HS3ST5: variants seen among roughly 807,000 people sequenced by gnomAD.
The protein encoded by HS3ST5 is heparan sulfate-glucosamine 3-sulfotransferase 5, also known as heparan sulfate glucosamine 3-O-sulfotransferase 5.
A neutral mutation model predicts 25.4 loss-of-function variants in HS3ST5; 10 were observed. That is an observed-to-expected ratio of 0.39 (90% CI 0.24 to 0.67). The LOEUF (loss-of-function observed/expected upper bound fraction) is 0.67, where lower values mean the gene tolerates loss of function less well. Ranked by LOEUF, HS3ST5 falls within the 30% of genes least tolerant of loss-of-function variation. The pLI, the probability that HS3ST5 is intolerant of heterozygous loss-of-function variation, is 0.44. For missense variants in HS3ST5, 324 were observed against 420.7 expected, an observed-to-expected ratio of 0.77 and a Z score of 2.01; for synonymous variants, 170 against 162.4, an observed-to-expected ratio of 1.05 and a Z score of -0.36.
At chr6:114,153,493 C>T (rs1562217839) in intron 3 of HS3ST5, among the ~76,000 whole-genome samples, 1 of 152,220 alleles carries the variant, frequency 6.6e-6, no homozygotes, top group Non-Finnish European at 1.5e-5. Flanking sequence ...ATATTTGCTT[C>T]ATGCTCATCT....
chr6:114,257,120 C>T (rs914200902), intron 1 of HS3ST5, among the ~76,000 whole-genome samples: 4 of 152,208 alleles, frequency 2.6e-5, no homozygotes, highest in Admixed American at 6.5e-5. Flanking sequence ...TATCTCCCAC[C>T]GGGTCCCTCC....
chr6:114,127,785 T>C (rs1777115992), intron 3 of HS3ST5, among the ~76,000 whole-genome samples: 1 of 151,852 alleles, frequency 6.6e-6, no homozygotes, highest in Non-Finnish European at 1.5e-5. Context: ...TGCTACAACA[T>C]GGATGAATCT....
chr6:114,252,364 T>G (rs1352333962), intron 1 of HS3ST5, among the ~76,000 whole-genome samples: 1 of 152,206 alleles, frequency 6.6e-6, no homozygotes, highest in Non-Finnish European at 1.5e-5. Flanking sequence ...ACTGCCTGAC[T>G]GTGAAATTAT....
chr6:114,336,949 G>A (rs1776635352), intron 1 of HS3ST5, among the ~76,000 whole-genome samples: 1 of 152,190 alleles, frequency 6.6e-6, no homozygotes, highest in African/African-American at 2.4e-5. Flanking sequence ...GCAGTTTAAA[G>A]ATTCTGTTAC....
chr6:114,106,882 G>A (rs943160369), intron 3 of HS3ST5, among the ~76,000 whole-genome samples: 10 of 152,052 alleles, frequency 6.6e-5, no homozygotes, highest in African/African-American at 2.4e-4. Context: ...CTATAAGATT[G>A]TTATGTATTT....
At chr6:114,200,322 A>G (rs899047363) in intron 2 of HS3ST5, among the ~76,000 whole-genome samples, 12 of 152,260 alleles carry the variant, frequency 7.9e-5, no homozygotes, top group African/African-American at 2.9e-4. Flanking sequence ...TATGTGTGAC[A>G]AAAGGTGTTA....
At chr6:114,210,038 A>G (rs1781444623) in intron 2 of HS3ST5, among the ~76,000 whole-genome samples, 1 of 152,218 alleles carries the variant, frequency 6.6e-6, no homozygotes, top group Non-Finnish European at 1.5e-5. Flanking sequence ...GTCAAAGGCC[A>G]AAGTAACAAA....
At chr6:114,277,869 G>A (rs1181158089) in intron 1 of HS3ST5, among the ~76,000 whole-genome samples, 2 of 151,942 alleles carry the variant, frequency 1.3e-5, no homozygotes, top group African/African-American at 4.8e-5. Flanking sequence ...GGTTATAGTT[G>A]TAATTACAAA....
chr6:114,133,182 G>T (rs1045067495), intron 3 of HS3ST5, among the ~76,000 whole-genome samples: 2 of 152,110 alleles, frequency 1.3e-5, no homozygotes, highest in Non-Finnish European at 2.9e-5. Context: ...TGCCCATCAA[G>T]GGATGACAAT....
chr6:114,258,589 C>T (rs1040138607), intron 1 of HS3ST5, among the ~76,000 whole-genome samples: 8 of 152,112 alleles, frequency 5.3e-5, no homozygotes, highest in South Asian at 2.1e-4. Flanking sequence ...CAGCATTTGC[C>T]GGCCACTTGG....
chr6:114,236,824 T>C (rs923076276), intron 1 of HS3ST5, among the ~76,000 whole-genome samples: 1 of 152,200 alleles, frequency 6.6e-6, no homozygotes. Flanking sequence ...ACTGCAATTG[T>C]ATACTCTATT....
intron 2 of HS3ST5, among the ~76,000 whole-genome samples, chr6:114,215,685 C>T (rs1781726047): frequency 6.6e-6 from 1 of 152,170 alleles, no homozygotes; most frequent in African/African-American, 2.4e-5. Context: ...TATATGCCAG[C>T]AGACTCGGTG....
chr6:114,287,160 A>G (rs943238043), intron 1 of HS3ST5, among the ~76,000 whole-genome samples: 5 of 152,020 alleles, frequency 3.3e-5, no homozygotes, highest in African/African-American at 1.2e-4. Context: ...CTTTTAAGGT[A>G]ATTATCCAAA....
At chr6:114,247,562 G>A (rs1772439626) in intron 1 of HS3ST5, among the ~76,000 whole-genome samples, 1 of 152,016 alleles carries the variant, frequency 6.6e-6, no homozygotes, top group Admixed American at 6.6e-5. Context: ...TCACAAATTT[G>A]TCTGTTTCAA....
intron 3 of HS3ST5, among the ~76,000 whole-genome samples, chr6:114,158,528 C>T (rs1335169042): frequency 6.6e-6 from 1 of 152,098 alleles, no homozygotes; most frequent in Non-Finnish European, 1.5e-5. Flanking sequence ...GAGGCAGGGA[C>T]TATTATTTTT....
chr6:114,262,512 A>C (rs891846781), intron 1 of HS3ST5, among the ~76,000 whole-genome samples: 366 of 151,828 alleles, frequency 2.4e-3, no homozygotes, highest in African/African-American at 8.4e-3. Context: ...GTGCCATTGC[A>C]CTCCAGCCTG....
chr6:114,171,535 G>A (rs1695123812), intron 2 of HS3ST5, among the ~76,000 whole-genome samples: 2 of 152,130 alleles, frequency 1.3e-5, no homozygotes, highest in South Asian at 2.1e-4. Flanking sequence ...TTTGTCTATT[G>A]ATGATGATTG....
intron 3 of HS3ST5, among the ~76,000 whole-genome samples, chr6:114,086,916 G>A (rs370675518): frequency 1.3e-5 from 2 of 152,204 alleles, no homozygotes; most frequent in East Asian, 1.9e-4. Context: ...AATACTTTTC[G>A]GTGAAAAGGC....
At chr6:114,255,215 T>C (rs1315230665) in intron 1 of HS3ST5, among the ~76,000 whole-genome samples, 3 of 152,176 alleles carry the variant, frequency 2.0e-5, no homozygotes, top group Non-Finnish European at 2.9e-5. Flanking sequence ...TGAAATCCAA[T>C]AGGGCAGTCA....
Sources: allele counts gnomAD v4.1 joint callset (sites outside exome capture counted in the v4.1 genomes callset), GRCh38; gene constraint gnomAD v4.1.1; transcripts MANE v1.5; gene names NCBI Gene and HGNC (gene_info 2026-07-23, HGNC 2026-07-21).